Variants in ERBB4 observed in about 807,000 individuals in gnomAD.
ERBB4 encodes erb-b2 receptor tyrosine kinase 4, also known as receptor tyrosine-protein kinase erbB-4.
ERBB4 carries 42 observed loss-of-function variants against 158.0 expected under a neutral mutation model. The ratio of observed to expected loss-of-function variants is 0.27; its 90% confidence interval spans 0.21 to 0.34. The LOEUF is 0.34. Ranked by LOEUF, ERBB4 falls within the 10% of genes least tolerant of loss-of-function variation. The probability of loss-of-function intolerance (pLI) is 1.00; values close to 1 mark genes in which losing one functional copy is unlikely to be tolerated. For synonymous variants in ERBB4, 583 were observed against 558.7 expected (o/e 1.04, Z -0.61); for missense variants, 1,333 against 1,624.1 (o/e 0.82, Z 3.08).
rs1284938638 is a variant in ERBB4 at position 212,166,410 on chromosome 2, A to T, written c.83-41507T>A. ...GTTTAGTATTTTACATTAACAAAAC[A>T]CTTCTACAAAATTGTCTCATTTTGC... is the stretch of plus-strand genomic sequence containing the variant. On this transcript the variant is annotated intron_variant, in intron 1 of 27. Coordinates refer to ENST00000342788, the MANE Select transcript of ERBB4 (RefSeq NM_005235.3). Among the ~76,000 whole-genome samples, 3 of 152,018 alleles carry T rather than the reference A, an allele frequency of 2.0e-5. No individual in the cohort carries two copies. In the East Asian group the frequency reaches 5.8e-4, roughly 29 times the overall value.
At chr2:212,373,688 T>TACATATATATCCATATATATATCC (rs1218730757) in intron 1 of ERBB4, among the ~76,000 whole-genome samples, 10 of 148,140 alleles carry the variant, frequency 6.8e-5, no homozygotes, top group Non-Finnish European at 1.3e-4. Context: ...CCAATGGAGA[T>TACATATATATCCATATATATATCC]ACATATATAT....
At chr2:212,143,570 G>C (rs2080556334) in intron 1 of ERBB4, among the ~76,000 whole-genome samples, 1 of 151,996 alleles carries the variant, frequency 6.6e-6, no homozygotes, top group African/African-American at 2.4e-5. Context: ...CCTTACCTTG[G>C]TATGGCTGTG....
Position 211,678,322 on chromosome 2 carries a change from A to C in ERBB4, c.1622+730T>G, listed in dbSNP as rs1448669183. Reference sequence around the variant, plus strand: ...AAACAAAAAAAAACAAACAAACAAAAAAAAAAAAACAAGAAAACTTGCACT... The same window carrying C: ...AAACAAAAAAAAACAAACAAACAAACAAAAAAAAACAAGAAAACTTGCACT... On this transcript the variant is annotated intron_variant, in intron 13 of 27. Coordinates refer to ENST00000342788, the MANE Select transcript of ERBB4 (RefSeq NM_005235.3). Among the ~76,000 whole-genome samples, 31 of 108,058 alleles carry C rather than the reference A, an allele frequency of 2.9e-4. 1 individual carries two copies. Among genetic ancestry groups the C allele is most frequent in the African/African-American group, 9.2e-4 (27 of 29,464 alleles). The allele number at this position is 108,058 out of a possible 152,430, so 70.9% of individuals were successfully genotyped here. A position where few individuals can be genotyped will look rare whatever the true frequency, so the allele number is the denominator to read the frequency against.
At chr2:212,164,333 T>A (rs2081286811) in intron 1 of ERBB4, among the ~76,000 whole-genome samples, 1 of 152,012 alleles carries the variant, frequency 6.6e-6, no homozygotes, top group South Asian at 2.1e-4. Context: ...GAAAACAACA[T>A]TTTAATATTT....
chr2:212,378,084 G>A (rs1010557089), intron 1 of ERBB4, among the ~76,000 whole-genome samples: 5 of 151,760 alleles, frequency 3.3e-5, no homozygotes, highest in East Asian at 1.9e-4. Flanking sequence ...AGGTCTTCAC[G>A]GGTAATAGCA....
intron 19 of ERBB4, among the ~76,000 whole-genome samples, chr2:211,604,047 A>G (rs1443937321): frequency 6.6e-6 from 1 of 152,226 alleles, no homozygotes; most frequent in Admixed American, 6.5e-5. Flanking sequence ...ATTAGTTTAT[A>G]TCATTTTATG....
chr2:212,052,588 C>T (rs2077430570), intron 2 of ERBB4, among the ~76,000 whole-genome samples: 1 of 152,130 alleles, frequency 6.6e-6, no homozygotes, highest in South Asian at 2.1e-4. Context: ...TGAAACCAGC[C>T]CAGTTGTCCA....
intron 2 of ERBB4, among the ~76,000 whole-genome samples, chr2:211,977,121 C>A (rs1391030825): frequency 6.6e-6 from 1 of 152,140 alleles, no homozygotes; most frequent in Admixed American, 6.5e-5. Flanking sequence ...CATCCTATGT[C>A]TCTTCCCCTA....
chr2:212,504,459 A>C (rs1454422961), intron 1 of ERBB4, among the ~76,000 whole-genome samples: 1 of 152,076 alleles, frequency 6.6e-6, no homozygotes, highest in South Asian at 2.1e-4. Context: ...CCATTAAAAA[A>C]TAATACAAAA....
chr2:211,761,204 A>C (rs868527869), intron 4 of ERBB4, among the ~76,000 whole-genome samples: 1 of 140,390 alleles, frequency 7.1e-6, no homozygotes, highest in Non-Finnish European at 1.6e-5. Flanking sequence ...AAAAAAAAAA[A>C]AAAAAAAGGA....
At chr2:211,627,853 GC>G (rs1281102285) in intron 17 of ERBB4, among the ~76,000 whole-genome samples, 2 of 152,126 alleles carry the variant, frequency 1.3e-5, no homozygotes, top group African/African-American at 4.8e-5. Context: ...AACACTATCT[GC>G]TTTTATGCTA....
At chr2:211,874,687 C>A (rs556235344) in intron 3 of ERBB4, among the ~76,000 whole-genome samples, 9 of 152,202 alleles carry the variant, frequency 5.9e-5, no homozygotes, top group South Asian at 2.1e-4. Context: ...AAACTTGACT[C>A]TTCACTGCTC....
intron 1 of ERBB4, among the ~76,000 whole-genome samples, chr2:212,465,465 G>A (rs922411686): frequency 6.6e-6 from 1 of 152,104 alleles, no homozygotes; most frequent in African/African-American, 2.4e-5. Flanking sequence ...TCATATCTCT[G>A]TATAATTTAC....
intron 1 of ERBB4, among the ~76,000 whole-genome samples, chr2:212,514,132 T>C (rs1329769714): frequency 1.3e-5 from 2 of 152,180 alleles, no homozygotes; most frequent in Non-Finnish European, 2.9e-5. Flanking sequence ...AAAATCTTGT[T>C]TGCTCACTAT....
intron 1 of ERBB4, among the ~76,000 whole-genome samples, chr2:212,439,239 T>A (rs1420609557): frequency 6.6e-6 from 1 of 152,174 alleles, no homozygotes; most frequent in Non-Finnish European, 1.5e-5. Context: ...ATTATTCTGC[T>A]AGTGGTTATG....
At chr2:211,884,277 T>C (rs1320323540) in intron 3 of ERBB4, among the ~76,000 whole-genome samples, 4 of 152,092 alleles carry the variant, frequency 2.6e-5, no homozygotes, top group South Asian at 2.1e-4. Context: ...ACTCACCAAT[T>C]CCTCTTCTTT....
At chr2:212,242,242 T>C (rs555559496) in intron 1 of ERBB4, among the ~76,000 whole-genome samples, 1 of 152,050 alleles carries the variant, frequency 6.6e-6, no homozygotes, top group Non-Finnish European at 1.5e-5. Flanking sequence ...AGCATTAATA[T>C]TTAAAAGACA....
At chr2:212,273,018 T>A (rs138444654) in intron 1 of ERBB4, among the ~76,000 whole-genome samples, 15 of 151,840 alleles carry the variant, frequency 9.9e-5, no homozygotes, top group Admixed American at 2.0e-4. Context: ...GGGTACACAC[T>A]GTTTATTGAA....
chr2:212,309,150 A>G (rs1298403924), intron 1 of ERBB4, among the ~76,000 whole-genome samples: 2 of 150,950 alleles, frequency 1.3e-5, no homozygotes, highest in Non-Finnish European at 3.0e-5. Context: ...ATGAAGAAAT[A>G]TGGAGAAAAA....
Sources: allele counts gnomAD v4.1 joint callset (sites outside exome capture counted in the v4.1 genomes callset), GRCh38; gene constraint gnomAD v4.1.1; transcripts MANE v1.5; gene names NCBI Gene and HGNC (gene_info 2026-07-23, HGNC 2026-07-21).